EXT2: variants seen among roughly 807,000 people sequenced by gnomAD.
EXT2 encodes the protein exostosin glycosyltransferase 2.
Under a neutral mutation model 81.6 loss-of-function variants are expected in EXT2, and 53 were observed. That is an observed-to-expected ratio of 0.65 (90% confidence interval 0.52 to 0.82). The LOEUF (loss-of-function observed/expected upper bound fraction) is 0.82, where lower values mean the gene tolerates loss of function less well. Among genes scored for constraint, EXT2 ranks in the 40% least tolerant of loss-of-function variants. The pLI is 0.00. For synonymous variants in EXT2, 320 were observed against 340.0 expected, an observed-to-expected ratio of 0.94 and a Z score of 0.65; for missense variants, 774 against 910.2, an observed-to-expected ratio of 0.85 and a Z score of 1.93.
intron 1 of EXT2, among the ~76,000 whole-genome samples, chr11:44,106,511 C>T (rs1228695529): frequency 2.0e-5 from 3 of 152,042 alleles, no homozygotes; most frequent in Non-Finnish European, 4.4e-5. Context: ...TACATTCTGC[C>T]TTTTGTTATA....
intron 4 of EXT2, among the ~76,000 whole-genome samples, chr11:44,119,160 A>G (rs1373953100): frequency 2.8e-4 from 14 of 49,634 alleles, no homozygotes; most frequent in African/African-American, 7.2e-4. Flanking sequence ...ATATATATAT[A>G]TATATATATA....
intron 7 of EXT2, among the ~76,000 whole-genome samples, chr11:44,165,345 C>T (rs1275710655): frequency 6.6e-6 from 1 of 152,186 alleles, no homozygotes; most frequent in Non-Finnish European, 1.5e-5. Context: ...ATACTAAGCC[C>T]TGGAGGGGCT....
intron 10 of EXT2, among the ~76,000 whole-genome samples, chr11:44,230,614 G>A (rs953125145): frequency 2.6e-5 from 4 of 152,196 alleles, no homozygotes; most frequent in African/African-American, 7.2e-5. Context: ...GCCTTGTGAA[G>A]ATGGAGGGTT....
intron 7 of EXT2, among the ~76,000 whole-genome samples, chr11:44,136,546 T>G (rs557182103): frequency 6.6e-6 from 1 of 152,276 alleles, no homozygotes; most frequent in South Asian, 2.1e-4. Flanking sequence ...CTTGAGACAT[T>G]TAGGACTGGA....
Position 44,234,210 on chromosome 11 carries a change from GGTGGCCAAC to G in EXT2, c.1905_1913del (p.Ala636_Val638del), listed in dbSNP as rs768600999. ...GTGAAGATATTGCCATGAACTTCCT[GGTGGCCAAC>G]GTCACGGGAAAAGCAGTTATCAAGG... On this transcript the variant is annotated inframe_deletion, in exon 12 of 14. Transcript: ENST00000533608. 3.1e-6 allele frequency: 5 copies of G among 1,613,962 alleles called. No individual in the cohort carries two copies.
chr11:44,138,818 G>A, intron 7 of EXT2, among the ~76,000 whole-genome samples: 1 of 152,148 alleles, frequency 6.6e-6, no homozygotes, highest in Admixed American at 6.5e-5. Flanking sequence ...ATAACGTGGA[G>A]CTAATAATAG....
chr11:44,173,741 T>A (rs539253515), intron 8 of EXT2, among the ~76,000 whole-genome samples: 1 of 152,002 alleles, frequency 6.6e-6, no homozygotes, highest in East Asian at 1.9e-4. Context: ...GCTAATTTTT[T>A]GTGTTTTTAG....
chr11:44,177,893 A>G (rs1454600285), intron 8 of EXT2, among the ~76,000 whole-genome samples: 15 of 152,218 alleles, frequency 9.9e-5, no homozygotes, highest in Admixed American at 9.8e-4. Flanking sequence ...AAAATGAATT[A>G]TTATACCCAG....
Position 44,250,823 on chromosome 11 carries a change from T to G in EXT2, c.*6536T>G, listed in dbSNP as rs2135295113. ...ATAGAAAGGGTTATATGCAACCCTG[T>G]ATCTGCTGATTTTCAGGTTTCAACT... On this transcript the variant is annotated 3_prime_UTR_variant, in exon 14 of 14. Coordinates refer to ENST00000533608, the MANE Select transcript of EXT2 (RefSeq NM_207122.2). 6.6e-6 allele frequency among the ~76,000 whole-genome samples: 1 copy of G among 152,358 alleles called. No individual in the cohort carries two copies. The highest frequency in any genetic ancestry group is 1.9e-4 in the East Asian group (1 of 5,184).
intron 10 of EXT2, among the ~76,000 whole-genome samples, chr11:44,228,682 A>G (rs1259723507): frequency 6.6e-6 from 1 of 152,166 alleles, no homozygotes; most frequent in Non-Finnish European, 1.5e-5. Context: ...CTCCAAAGCA[A>G]CCTGAAATTC....
At position 44,107,867 on chromosome 11, in the gene EXT2, C is replaced by T. The variant is rs1364041118; in HGVS notation, c.155C>T (p.Ser52Phe). The stretch of plus-strand genomic sequence containing the variant: ...CAGTTTTGGCCCCATTCTATCGAGT[C>T]CTCAAATGACTGGAATGTAGAGAAG... ...MFQFWPHSIESSNDWNVEKRS... is the reference protein window; with the variant it reads ...MFQFWPHSIEFSNDWNVEKRS... Residue 52 changes from serine (S) to phenylalanine (F), a missense_variant, in exon 2 of 14, where the codon TCC becomes TTC. This residue lies in a region of EXT2 where 626 missense variants were observed against 670.5 expected (regional missense o/e 0.93). Transcript: ENST00000533608. 1.2e-6 allele frequency: 2 copies of T among 1,614,194 alleles called. No homozygotes were observed. Among genetic ancestry groups the T allele is most frequent in the Admixed American group, 3.3e-5 (2 of 60,030 alleles).
intron 7 of EXT2, among the ~76,000 whole-genome samples, chr11:44,158,080 G>A (rs1954880300): frequency 6.6e-6 from 1 of 152,224 alleles, no homozygotes; most frequent in Non-Finnish European, 1.5e-5. Flanking sequence ...TAGTATCCAA[G>A]TTGGAAGATG....
intron 10 of EXT2, among the ~76,000 whole-genome samples, chr11:44,222,649 G>T (rs1955794275): frequency 6.6e-6 from 1 of 150,666 alleles, no homozygotes; most frequent in South Asian, 2.1e-4. Context: ...AAGTGAATCA[G>T]ATTTAAATGT....
chr11:44,136,788 G>A (rs532027998), intron 7 of EXT2, among the ~76,000 whole-genome samples: 4 of 152,114 alleles, frequency 2.6e-5, no homozygotes, highest in South Asian at 2.1e-4. Context: ...GCTGTGTTTC[G>A]TGGTCTCTGC....
At chr11:44,205,808 A>G (rs894549019) in intron 9 of EXT2, among the ~76,000 whole-genome samples, 1 of 152,222 alleles carries the variant, frequency 6.6e-6, no homozygotes, top group African/African-American at 2.4e-5. Context: ...TACATGATGG[A>G]CTTTTTGAAA....
intron 13 of EXT2, among the ~76,000 whole-genome samples, chr11:44,241,872 T>C (rs1305618029): frequency 6.6e-6 from 1 of 152,198 alleles, no homozygotes; most frequent in East Asian, 1.9e-4. Flanking sequence ...GAAGCACTGT[T>C]ATTACCTGGC....
chr11:44,223,533 A>T (rs935109535), intron 10 of EXT2, among the ~76,000 whole-genome samples: 1 of 152,196 alleles, frequency 6.6e-6, no homozygotes, highest in Non-Finnish European at 1.5e-5. Flanking sequence ...CAGTCCAAAA[A>T]GGTCACATAC....
chr11:44,176,908 G>T (rs1198955918), intron 8 of EXT2, among the ~76,000 whole-genome samples: 1 of 139,586 alleles, frequency 7.2e-6, no homozygotes, highest in East Asian at 2.1e-4. Flanking sequence ...AGATGCAGCT[G>T]CCTTAGTTTA....
chr11:44,206,602 C>T (rs931168868), intron 9 of EXT2, among the ~76,000 whole-genome samples, 191 bp from the exon 10 acceptor site: 3 of 151,982 alleles, frequency 2.0e-5, no homozygotes, highest in Admixed American at 1.3e-4. Flanking sequence ...TGTGTACGTG[C>T]AGTATATATA....
Sources: gnomAD v4.1 joint callset for allele counts (sites outside exome capture counted in the v4.1 genomes callset) on GRCh38, gnomAD v4.1.1 for gene constraint, gnomAD v4.1.1 regional missense constraint, MANE v1.5 for transcripts, NCBI Gene and HGNC (gene_info 2026-07-23, HGNC 2026-07-21) for gene names.